The following GNAI3 variants were observed in gnomAD, a reference collection of about 807,000 sequenced individuals.
GNAI3 encodes G protein subunit alpha i3, also known as guanine nucleotide-binding protein G(i) subunit alpha-3.
A neutral mutation model predicts 41.8 loss-of-function variants in GNAI3; 12 were observed. That is an observed-to-expected ratio of 0.29 (90% CI 0.18 to 0.47). The LOEUF (loss-of-function observed/expected upper bound fraction) is 0.47. GNAI3 is among the 20% of genes least tolerant of loss of function. GNAI3 has a pLI of 1.00. For synonymous variants in GNAI3, 132 were observed against 146.5 expected, an observed-to-expected ratio of 0.90 and a Z score of 0.71; for missense variants, 360 against 429.6, an observed-to-expected ratio of 0.84 and a Z score of 1.43.
At chr1:109,548,872 C>G in intron 1 of GNAI3, 34 bp downstream of exon 1, 2 of 1,390,502 alleles carry the variant, frequency 1.4e-6, no homozygotes, top group South Asian at 1.2e-5. Context: ...GAGTGGTGGT[C>G]GGGAGAGCCT....
chr1:109,553,871 C>T (rs1455128906), intron 1 of GNAI3, among the ~76,000 whole-genome samples: 1 of 152,176 alleles, frequency 6.6e-6, no homozygotes, highest in Admixed American at 6.5e-5. Flanking sequence ...CACCCTTTCC[C>T]CCGAGTCCCC....
chr1:109,562,606 T>G (rs956034172), intron 1 of GNAI3, among the ~76,000 whole-genome samples: 3 of 152,238 alleles, frequency 2.0e-5, no homozygotes, highest in Admixed American at 6.5e-5. Context: ...TGAACAGCTT[T>G]GGTGAGCATT....
Position 109,594,612 on chromosome 1 carries a change from A to C in GNAI3, c.*2290A>C, listed in dbSNP as rs1649249878. The C allele has an allele frequency of 6.6e-6, 1 of 151,796 alleles. No individual in the cohort carries two copies. Among genetic ancestry groups the C allele is most frequent in the Admixed American group, 6.6e-5 (1 of 15,224 alleles). The allele number at this position is 151,796 out of a possible 1,614,324, so 9.4% of individuals were successfully genotyped here. On this transcript the variant is annotated 3_prime_UTR_variant, in exon 9 of 9. Coordinates refer to ENST00000369851, the MANE Select transcript of GNAI3 (RefSeq NM_006496.4). ...AGTAAAAATCACTTGGACCCATCTAAGGGATTGACTTTTGGCTGGTGGGCT... is the reference window on the plus strand; with the variant it reads ...AGTAAAAATCACTTGGACCCATCTACGGGATTGACTTTTGGCTGGTGGGCT...
intron 1 of GNAI3, among the ~76,000 whole-genome samples, chr1:109,565,681 G>C (rs1039738725): frequency 6.6e-6 from 1 of 152,152 alleles, no homozygotes; most frequent in Non-Finnish European, 1.5e-5. Context: ...CTAGATTGGC[G>C]GGGGGTGCAC....
Position 109,597,410 on chromosome 1 carries a change from C to T in GNAI3, c.*5088C>T, listed in dbSNP as rs184358495. 6.8e-3 allele frequency: 1,030 copies of T among 151,646 alleles called. 10 individuals are homozygous for T. The highest frequency in any genetic ancestry group is 0.05 in the South Asian group (239 of 4,786). 9.4% of individuals were successfully genotyped at this position (151,646 alleles called of 1,614,324 possible). ...CTGGGAGGCAGAGGTTGCAGTGAGC[C>T]GAGATCGCACCACTGAATTCCAGCC... On this transcript the variant is annotated 3_prime_UTR_variant, in exon 9 of 9. Coordinates refer to ENST00000369851, the MANE Select transcript of GNAI3 (RefSeq NM_006496.4).
At chr1:109,567,389 C>G (rs12033596) in intron 1 of GNAI3, among the ~76,000 whole-genome samples, 1 of 152,028 alleles carries the variant, frequency 6.6e-6, no homozygotes, top group Non-Finnish European at 1.5e-5. Context: ...TGCAGAGAGA[C>G]CTGTGAGGAA....
intron 1 of GNAI3, among the ~76,000 whole-genome samples, chr1:109,550,408 A>C (rs951085603): frequency 6.6e-6 from 1 of 152,216 alleles, no homozygotes; most frequent in Non-Finnish European, 1.5e-5. Flanking sequence ...GTGGATATGC[A>C]TGGTCCCTGG....
At chr1:109,580,179 T>C (rs59362181) in intron 4 of GNAI3, among the ~76,000 whole-genome samples, 8,544 of 152,214 alleles carry the variant, frequency 0.056, 787 homozygotes, top group African/African-American at 0.19. Flanking sequence ...TTTGTATTTT[T>C]AGTAGAGACG....
chr1:109,577,086 A>G (rs551252366), intron 3 of GNAI3, among the ~76,000 whole-genome samples: 71 of 151,568 alleles, frequency 4.7e-4, no homozygotes, highest in Non-Finnish European at 7.8e-4. Flanking sequence ...GTCAAATTTC[A>G]GAACCAGGGG....
rs1159898536 is a variant in GNAI3, at chr1:109,598,114, G to C, written c.*5792G>C. On this transcript the variant is annotated 3_prime_UTR_variant, in exon 9 of 9. Transcript: ENST00000369851. ...AAATTATGAACAACCTGGTTTATCT[G>C]TCTCCTCTTATCTTTTACCTCTCCC... 6.6e-6 allele frequency: 1 copy of C among 152,192 alleles called. No individual in the cohort carries two copies. Among genetic ancestry groups the C allele is most frequent in the Non-Finnish European group, 1.5e-5 (1 of 68,036 alleles). 9.4% of individuals were successfully genotyped at this position (152,192 alleles called of 1,614,324 possible).
At position 109,573,905 on chromosome 1, in the gene GNAI3, T is replaced by G; in HGVS notation, c.171T>G (p.His57Gln). The change falls in exon 3 of 9, where the codon CAT becomes CAG. Residue 57 changes from histidine to glutamine, a missense_variant. Transcript: ENST00000369851. ...TTTCTTTGTTTTAAAGAATCATTCA[T>G]GAGGATGGCTATTCAGAGGATGAAT... ...STIVKQMKIIHEDGYSEDECK... is the reference protein window; with the variant it reads ...STIVKQMKIIQEDGYSEDECK... 6.2e-7 allele frequency: 1 copy of G among 1,611,208 alleles called. No individual in the cohort carries two copies. The highest frequency in any genetic ancestry group is 8.5e-7 in the Non-Finnish European group (1 of 1,177,858).
chr1:109,560,178 G>A (rs969059591), intron 1 of GNAI3, among the ~76,000 whole-genome samples: 4 of 152,142 alleles, frequency 2.6e-5, no homozygotes, highest in African/African-American at 9.7e-5. Flanking sequence ...AGATGTTACT[G>A]TGTTTGTTGA....
chr1:109,577,121 TA>T (rs1474407951), intron 3 of GNAI3, among the ~76,000 whole-genome samples: 1 of 151,824 alleles, frequency 6.6e-6, no homozygotes, highest in African/African-American at 2.4e-5. Context: ...ACATGTTAGA[TA>T]AAGCACCATA....
At chr1:109,556,570 C>T (rs143509696) in intron 1 of GNAI3, among the ~76,000 whole-genome samples, 144 of 152,292 alleles carry the variant, frequency 9.5e-4, no homozygotes, top group African/African-American at 3.3e-3. Context: ...GCTTTTCCCC[C>T]AGTGTATTAA....
rs750951335 is a variant in GNAI3 at position 109,598,995 on chromosome 1, C to G, written c.*6673C>G. 2 of 534,332 alleles carry G rather than the reference C, an allele frequency of 3.7e-6. No homozygotes were observed. The highest frequency in any genetic ancestry group is 1.1e-4 in the East Asian group (2 of 18,370). The allele number at this position is 534,332 out of a possible 1,614,324, so 33.1% of individuals were successfully genotyped here. On this transcript the variant is annotated 3_prime_UTR_variant, in exon 9 of 9. Transcript: ENST00000369851. ...CACACTTTGGTCTACGGCACATCTC[C>G]AAGTATAGAGTGGGTTTTGAATGCT...
In GNAI3 at chr1:109,598,919, G is replaced by A. The variant is rs1649380673; in HGVS notation, c.*6597G>A. ...GCTGTGCCGGGTAGAGAGGGCAGTG[G>A]GAGGTAAGAGCTCTTCACCCTTCAC... On this transcript the variant is annotated 3_prime_UTR_variant, in exon 9 of 9. Coordinates refer to ENST00000369851, the MANE Select transcript of GNAI3 (RefSeq NM_006496.4). 1 of 534,804 alleles carries A rather than the reference G, an allele frequency of 1.9e-6. No individual in the cohort carries two copies. The highest frequency in any genetic ancestry group is 1.9e-5 in the Admixed American group (1 of 51,586). 33.1% of individuals were successfully genotyped at this position (534,804 alleles called of 1,614,324 possible).
At chr1:109,591,828 A>G (rs1649180201) in intron 7 of GNAI3, among the ~76,000 whole-genome samples, 1 of 152,192 alleles carries the variant, frequency 6.6e-6, no homozygotes, top group Non-Finnish European at 1.5e-5. Context: ...GTTTTCCTCA[A>G]TCTTTGTGTT....
chr1:109,591,428 G>C, intron 7 of GNAI3: 11 of 699,336 alleles, frequency 1.6e-5, no homozygotes, highest in South Asian at 1.5e-4. Context: ...AAAGCAAACT[G>C]TATCCTTCTC....
At chr1:109,584,075 A>G (rs187744725) in intron 5 of GNAI3, among the ~76,000 whole-genome samples, 1 of 152,118 alleles carries the variant, frequency 6.6e-6, no homozygotes, top group East Asian at 1.9e-4. Flanking sequence ...GTAGAATGTG[A>G]TGTTTGTTAT....
Sources: allele counts gnomAD v4.1 joint callset (sites outside exome capture counted in the v4.1 genomes callset), GRCh38; gene constraint gnomAD v4.1.1; transcripts MANE v1.5; gene names NCBI Gene and HGNC (gene_info 2026-07-23, HGNC 2026-07-21).